The following NALCN variants were observed in gnomAD, a reference collection of about 807,000 sequenced individuals.
NALCN encodes the protein sodium leak channel, non-selective.
A neutral mutation model predicts 225.3 loss-of-function variants in NALCN; 111 were observed. The observed-to-expected ratio is 0.49, with a 90% CI of 0.42 to 0.58. The LOEUF (loss-of-function observed/expected upper bound fraction) is 0.58, where lower values mean the gene tolerates loss of function less well. Among genes scored for constraint, NALCN ranks in the 20% least tolerant of loss-of-function variants. The pLI, the probability that NALCN is intolerant of heterozygous loss-of-function variation, is 0.00. For missense variants in NALCN, 1,378 were observed against 2,202.4 expected (o/e 0.63, Z 7.49); for synonymous variants, 764 against 769.0 (o/e 0.99, Z 0.11).
In NALCN at chr13:101,060,275, G is replaced by GTTGTTTTTT. The variant is rs1555373025; in HGVS notation, c.4756-309_4756-308insAAAAAACAA. Reference sequence around the variant, plus strand: ...TTTCTTTTTGTTGTTGGTGTTTTCTGTTTTTTTTTTTTTTTTTTTAGATAG... The same window carrying GTTGTTTTTT: ...TTTCTTTTTGTTGTTGGTGTTTTCTGTTGTTTTTTTTTTTTTTTTTTTTTTTTTAGATAG... On this transcript the variant is annotated intron_variant, in intron 41 of 43. Coordinates refer to ENST00000251127, the MANE Select transcript of NALCN (RefSeq NM_052867.4). Among the ~76,000 whole-genome samples the GTTGTTTTTT allele has an allele frequency of 2.5e-5, 2 of 79,854 alleles. 1 individual carries two copies. Among genetic ancestry groups the GTTGTTTTTT allele is most frequent in the Non-Finnish European group, 4.6e-5 (2 of 43,656 alleles). 52.4% of individuals were successfully genotyped at this position (79,854 alleles called of 152,430 possible). A position where few individuals can be genotyped will look rare whatever the true frequency, so the allele number is the denominator to read the frequency against.
At chr13:101,157,722 T>C (rs1476387800) in intron 15 of NALCN, among the ~76,000 whole-genome samples, 4 of 151,546 alleles carry the variant, frequency 2.6e-5, no homozygotes, top group Non-Finnish European at 2.9e-5. Context: ...GTATGACATA[T>C]GGTTTTGAGC....
chr13:101,232,941 T>A (rs2041409518), intron 12 of NALCN, among the ~76,000 whole-genome samples: 1 of 152,340 alleles, frequency 6.6e-6, no homozygotes, highest in East Asian at 1.9e-4. Context: ...AATAATTCAG[T>A]ACCTAACTGT....
intron 18 of NALCN, among the ~76,000 whole-genome samples, chr13:101,116,061 G>A (rs2035693342): frequency 6.6e-6 from 1 of 152,050 alleles, no homozygotes; most frequent in African/African-American, 2.4e-5. Flanking sequence ...ATTACAGTGA[G>A]GCATTTTCCT....
intron 7 of NALCN, among the ~76,000 whole-genome samples, chr13:101,335,782 A>C (rs992008002): frequency 1.3e-5 from 2 of 150,094 alleles, no homozygotes; most frequent in African/African-American, 4.9e-5. Flanking sequence ...TTTTTCTTTT[A>C]TGACTGCAGT....
chr13:101,171,345 CAA>C (rs1179573855), intron 15 of NALCN, among the ~76,000 whole-genome samples: 3 of 147,734 alleles, frequency 2.0e-5, no homozygotes, highest in African/African-American at 7.4e-5. Flanking sequence ...ATATGTAATA[CAA>C]AATTATAATA....
intron 1 of NALCN, among the ~76,000 whole-genome samples, chr13:101,400,586 T>C (rs963050456): frequency 6.3e-4 from 69 of 109,630 alleles, no homozygotes; most frequent in African/African-American, 2.1e-3. Context: ...TGTGTGCACG[T>C]GTGTGCGCGC....
At chr13:101,132,278 A>G (rs2036554419) in intron 17 of NALCN, among the ~76,000 whole-genome samples, 1 of 151,798 alleles carries the variant, frequency 6.6e-6, no homozygotes, top group Non-Finnish European at 1.5e-5. Context: ...AATAGTTTTA[A>G]ATTTCTGAAT....
intron 13 of NALCN, among the ~76,000 whole-genome samples, chr13:101,205,484 T>A (rs1402044617): frequency 6.6e-6 from 1 of 152,120 alleles, no homozygotes; most frequent in East Asian, 1.9e-4. Context: ...ATTTTACCCC[T>A]GACAATCTTT....
rs114393068 is a variant in NALCN, at chr13:101,319,454, A to C, written c.799+25812T>G. On this transcript the variant is annotated intron_variant, in intron 7 of 43. Coordinates refer to ENST00000251127, the MANE Select transcript of NALCN (RefSeq NM_052867.4). ...TGAAACCTTCTGCTTTAAATAATGA[A>C]ATACTCAGAAAACACAATACCTTCT... Among the ~76,000 whole-genome samples, 651 of 152,326 alleles carry C rather than the reference A, an allele frequency of 4.3e-3. 4 individuals carry two copies. Among genetic ancestry groups the C allele is most frequent in the African/African-American group, 0.015 (630 of 41,578 alleles).
chr13:101,099,347 T>C (rs923587672), intron 27 of NALCN, among the ~76,000 whole-genome samples: 1 of 152,108 alleles, frequency 6.6e-6, no homozygotes, highest in African/African-American at 2.4e-5. Context: ...ATTAATATAA[T>C]TTATAATGTA....
At chr13:101,167,180 G>A (rs994378934) in intron 15 of NALCN, among the ~76,000 whole-genome samples, 1 of 152,098 alleles carries the variant, frequency 6.6e-6, no homozygotes, top group Non-Finnish European at 1.5e-5. Flanking sequence ...TTTCAGAATT[G>A]TTTTGGCTAT....
intron 17 of NALCN, among the ~76,000 whole-genome samples, chr13:101,128,472 T>C (rs1488598827): frequency 1.3e-5 from 2 of 152,228 alleles, no homozygotes; most frequent in African/African-American, 2.4e-5. Context: ...TGGCGATGTC[T>C]TCTAATTAAT....
At chr13:101,365,705 G>A (rs987754732) in intron 6 of NALCN, among the ~76,000 whole-genome samples, 10 of 152,102 alleles carry the variant, frequency 6.6e-5, no homozygotes, top group African/African-American at 2.2e-4. Context: ...CCTTAAAATC[G>A]AATAACAGGC....
intron 13 of NALCN, among the ~76,000 whole-genome samples, chr13:101,228,381 G>A (rs2041227273): frequency 6.6e-6 from 1 of 152,114 alleles, no homozygotes; most frequent in Non-Finnish European, 1.5e-5. Flanking sequence ...GTTTGGCTGT[G>A]TCCCCACCCA....
chr13:101,163,024 C>T (rs1246466303), intron 15 of NALCN, among the ~76,000 whole-genome samples: 1 of 152,134 alleles, frequency 6.6e-6, no homozygotes, highest in South Asian at 2.1e-4. Flanking sequence ...GTCTCAGTCT[C>T]CCAAGTAGCT....
rs147297357 is a variant in NALCN at position 101,135,955 on chromosome 13, C to T, written c.2118+7125G>A. On this transcript the variant is annotated intron_variant, in intron 17 of 43. Coordinates refer to ENST00000251127, the MANE Select transcript of NALCN (RefSeq NM_052867.4). ...TCTTTTAAATTACCTATAAAAAATT[C>T]TTAATCCTAGACTGATTTACTTTTG... is the stretch of plus-strand genomic sequence containing the variant. Among the ~76,000 whole-genome samples, 31 of 152,262 alleles carry T rather than the reference C, an allele frequency of 2.0e-4. No individual in the cohort carries two copies. In the East Asian group the frequency reaches 4.4e-3, roughly 22 times the overall value.
chr13:101,259,732 GTATA>G (rs35199456), intron 10 of NALCN, among the ~76,000 whole-genome samples: 2 of 119,378 alleles, frequency 1.7e-5, no homozygotes, highest in African/African-American at 2.8e-5. Context: ...CATAGTAAGT[GTATA>G]TATATATATA....
chr13:101,289,761 A>C (rs1180677037), intron 9 of NALCN, among the ~76,000 whole-genome samples: 1 of 152,156 alleles, frequency 6.6e-6, no homozygotes, highest in Admixed American at 6.5e-5. Flanking sequence ...TATTTCCTTC[A>C]AATTAGTAAC....
intron 39 of NALCN, among the ~76,000 whole-genome samples, chr13:101,067,221 G>T (rs541439250): frequency 1.4e-5 from 2 of 144,486 alleles, no homozygotes; most frequent in African/African-American, 5.2e-5. Flanking sequence ...TAGAGGAAGG[G>T]GTAGAGGAGG....
Sources: allele counts gnomAD v4.1 joint callset (sites outside exome capture counted in the v4.1 genomes callset), GRCh38; gene constraint gnomAD v4.1.1; transcripts MANE v1.5; gene names NCBI Gene and HGNC (gene_info 2026-07-23, HGNC 2026-07-21).